The following TSC2 variants were observed in gnomAD, a reference collection of about 807,000 sequenced individuals.
TSC2 encodes TSC complex subunit 2, also known as tuberin.
A neutral mutation model predicts 202.2 loss-of-function variants in TSC2; 29 were observed. That is an observed-to-expected ratio of 0.14 (90% CI 0.11 to 0.20). The LOEUF (loss-of-function observed/expected upper bound fraction) is 0.20, where lower values mean the gene tolerates loss of function less well. Among genes scored for constraint, TSC2 ranks in the 10% least tolerant of loss-of-function variants. The pLI is 1.00. For synonymous variants in TSC2, 1,349 were observed against 1,044.0 expected, an observed-to-expected ratio of 1.29 and a Z score of -5.63; for missense variants, 2,429 against 2,420.0, an observed-to-expected ratio of 1.00 and a Z score of -0.08.
Position 2,088,800 on chromosome 16 carries a change from T to G in TSC2, c.*190T>G, listed in dbSNP as rs1477348800. ...CTAGAAGCGGCCATGCCCACAGAAGTGGTACACAGAAGCAGGCACAGCCAG... is the reference window on the plus strand; with the variant it reads ...CTAGAAGCGGCCATGCCCACAGAAGGGGTACACAGAAGCAGGCACAGCCAG... On this transcript the variant is annotated 3_prime_UTR_variant, in exon 42 of 42. Coordinates refer to ENST00000219476, the MANE Select transcript of TSC2 (RefSeq NM_000548.5). The G allele has an allele frequency of 2.6e-6, 2 of 773,220 alleles. No homozygotes were observed. Among genetic ancestry groups the G allele is most frequent in the East Asian group, 5.4e-5 (2 of 36,746 alleles). The allele number at this position is 773,220 out of a possible 1,614,324, so 47.9% of individuals were successfully genotyped here.
chr16:2,074,914 C>G lies in TSC2; in HGVS notation c.2545+525C>G, dbSNP rs2089058770. On this transcript the variant is annotated intron_variant, in intron 22 of 41. Coordinates refer to ENST00000219476, the MANE Select transcript of TSC2 (RefSeq NM_000548.5). The stretch of plus-strand genomic sequence containing the variant: ...CGGTCTTTCTGTTTTGTTGATAACC[C>G]TTTAGAAGTGTAGAAGCCTGGCCAG... 7 of 207,950 alleles carry G rather than the reference C, an allele frequency of 3.4e-5. No individual in the cohort carries two copies. In the South Asian group the frequency reaches 5.0e-4, roughly 15 times the overall value. The allele number at this position is 207,950 out of a possible 1,614,324, so 12.9% of individuals were successfully genotyped here. A position where few individuals can be genotyped will look rare whatever the true frequency, so the allele number is the denominator to read the frequency against.
Position 2,072,306 on chromosome 16 carries a change from G to A in TSC2, c.2163G>A (p.Val721=), listed in dbSNP as rs552644975. 6.2e-6 allele frequency: 10 copies of A among 1,614,162 alleles called. No individual in the cohort carries two copies. In the African/African-American group the frequency reaches 1.1e-4, roughly 17 times the overall value. The change falls in exon 20 of 42, where the codon GTG becomes GTA. Residue 721 remains valine, a synonymous_variant. Coordinates refer to ENST00000219476, the MANE Select transcript of TSC2 (RefSeq NM_000548.5). The stretch of plus-strand genomic sequence containing the variant: ...TGCCTGAGTCCCTGCGCTATAAAGT[G>A]CTCATCTTTACTTCCCCTTGCAGTG... ...GRLPESLRYK[V]LIFTSPCSVD...
intron 16 of TSC2, among the ~76,000 whole-genome samples, chr16:2,069,573 G>A (rs2087922452): frequency 6.6e-6 from 1 of 151,778 alleles, no homozygotes; most frequent in Admixed American, 6.6e-5. Context: ...TCTGCCTCCT[G>A]GGTTCACGCC....
chr16:2,088,669 TAA>T lies in TSC2; in HGVS notation c.*61_*62del, dbSNP rs36032671. The T allele has an allele frequency of 0.086, 133,038 of 1,547,878 alleles. 6,372 individuals are homozygous for T. Among genetic ancestry groups the T allele is most frequent in the Non-Finnish European group, 0.096 (110,579 of 1,153,224 alleles). On this transcript the variant is annotated 3_prime_UTR_variant, in exon 42 of 42. Transcript: ENST00000219476. ...CGGTATTGCCTGTCAGTGAAATAAA[TAA>T]AGTCCTGACCCCAGTGCACAGACAT...
At position 2,088,281 on chromosome 16, in the gene TSC2, A is replaced by G. The variant is rs2151630676; in HGVS notation, c.5215A>G (p.Lys1739Glu). 6.2e-7 allele frequency: 1 copy of G among 1,612,890 alleles called. No individual in the cohort carries two copies. Among genetic ancestry groups the G allele is most frequent in the Non-Finnish European group, 8.5e-7 (1 of 1,179,976 alleles). ...RSNPTDIYPS[K>E]WIARLRHIKR... ...CAACCCCACCGATATCTACCCCTCC[A>G]AGTGGATTGCCCGGCTCCGCCACAT... The change falls in exon 41 of 42, where the codon AAG becomes GAG. Residue 1739 changes from lysine (K) to glutamate (E), a missense_variant. Physicochemically the swap from Lys to Glu is moderately conservative, Grantham distance 56 (BLOSUM62 1). Transcript: ENST00000219476.
intron 23 of TSC2, 75 bp downstream of exon 23, chr16:2,075,967 C>T: frequency 6.2e-7 from 1 of 1,612,048 alleles, no homozygotes; most frequent in Non-Finnish European, 8.5e-7. Context: ...GCCCCGGCAG[C>T]CTTTGTCCCC....
intron 38 of TSC2, chr16:2,087,097 C>T: frequency 3.1e-6 from 2 of 651,744 alleles, no homozygotes; most frequent in Non-Finnish European, 5.3e-6. Context: ...GAGTAACTGG[C>T]AAGTGCAGAC....
At chr16:2,069,746 C>G (rs1191214335) in intron 16 of TSC2, among the ~76,000 whole-genome samples, 1 of 152,160 alleles carries the variant, frequency 6.6e-6, no homozygotes, top group Non-Finnish European at 1.5e-5. Flanking sequence ...TCCCAAAGTG[C>G]TGGGATTACA....
intron 22 of TSC2, among the ~76,000 whole-genome samples, chr16:2,075,525 C>CAAAAAAAAAAA (rs933350142): frequency 1.1e-3 from 29 of 27,304 alleles, no homozygotes; most frequent in African/African-American, 3.5e-3. Context: ...AGACTCATCT[C>CAAAAAAAAAAA]AAAAAAAAAA....
chr16:2,077,854 G>T (rs2089623998), intron 26 of TSC2, 128 bp downstream of exon 26: 1 of 1,517,378 alleles, frequency 6.6e-7, no homozygotes, highest in Non-Finnish European at 8.9e-7. Flanking sequence ...AGCCCAGGGG[G>T]AGCCGGTGAC....
At chr16:2,061,176 AG>A in intron 11 of TSC2, 1 of 367,590 alleles carries the variant, frequency 2.7e-6, no homozygotes, top group South Asian at 2.3e-5. Flanking sequence ...GGACCGCATT[AG>A]TCGAGTCTGT....
At chr16:2,087,576 G>A (rs961221411) in intron 38 of TSC2, among the ~76,000 whole-genome samples, 4 of 152,010 alleles carry the variant, frequency 2.6e-5, no homozygotes, top group South Asian at 2.1e-4. Context: ...AGACGGATTC[G>A]GACGTGTGGC....
chr16:2,072,582 A>G, intron 20 of TSC2: 1 of 820,982 alleles, frequency 1.2e-6, no homozygotes, highest in Non-Finnish European at 1.9e-6. Context: ...TCCCCAGCCA[A>G]GGGCATGTCA....
At position 2,088,783 on chromosome 16, in the gene TSC2, G is replaced by A. The variant is rs554255347; in HGVS notation, c.*173G>A. ...GGGGGGGTGTCGAGGCTCTAGAAGCGGCCATGCCCACAGAAGTGGTACACA... is the reference window on the plus strand; with the variant it reads ...GGGGGGGTGTCGAGGCTCTAGAAGCAGCCATGCCCACAGAAGTGGTACACA... On this transcript the variant is annotated 3_prime_UTR_variant, in exon 42 of 42. Coordinates refer to ENST00000219476, the MANE Select transcript of TSC2 (RefSeq NM_000548.5). 1.2e-4 allele frequency: 110 copies of A among 889,384 alleles called. No homozygotes were observed. Among genetic ancestry groups the A allele is most frequent in the Non-Finnish European group, 1.6e-4 (96 of 597,088 alleles). 55.1% of individuals were successfully genotyped at this position (889,384 alleles called of 1,614,324 possible).
chr16:2,057,056 G>C (rs1423332675), intron 8 of TSC2, 49 bp from the exon 9 acceptor site: 6 of 1,547,454 alleles, frequency 3.9e-6, no homozygotes, highest in Admixed American at 2.0e-5. Flanking sequence ...ACTGGGGCTG[G>C]GGGCAGGGCT....
At chr16:2,077,846 C>G (rs2089621134) in intron 26 of TSC2, 120 bp downstream of exon 26, 2 of 1,524,418 alleles carry the variant, frequency 1.3e-6, no homozygotes, top group African/African-American at 2.7e-5. Context: ...CCCTGGCCAG[C>G]CCAGGGGGAG....
In TSC2 at chr16:2,088,666, A is replaced by T. The variant is rs2091233407; in HGVS notation, c.*56A>T. On this transcript the variant is annotated 3_prime_UTR_variant, in exon 42 of 42. Transcript: ENST00000219476. Reference sequence around the variant, plus strand: ...GGACGGTATTGCCTGTCAGTGAAATAAATAAAGTCCTGACCCCAGTGCACA... The same window carrying T: ...GGACGGTATTGCCTGTCAGTGAAATTAATAAAGTCCTGACCCCAGTGCACA... The T allele has an allele frequency of 1.9e-6, 3 of 1,553,066 alleles. No homozygotes were observed. The highest frequency in any genetic ancestry group is 1.1e-5 in the South Asian group (1 of 86,958).
chr16:2,048,134 C>A, intron 1 of TSC2, 69 bp downstream of exon 1: 1 of 1,514,226 alleles, frequency 6.6e-7, no homozygotes, highest in South Asian at 1.3e-5. Context: ...GCGGACCCCG[C>A]AGTGTCCGGG....
chr16:2,057,044 G>A, intron 8 of TSC2, 61 bp from the exon 9 acceptor site: 3 of 1,544,492 alleles, frequency 1.9e-6, no homozygotes, highest in Non-Finnish European at 2.6e-6. Context: ...GCCAGCAGCG[G>A]GACTGGGGCT....
Sources: allele counts gnomAD v4.1 joint callset (sites outside exome capture counted in the v4.1 genomes callset), GRCh38; gene constraint gnomAD v4.1.1; transcripts MANE v1.5; gene names NCBI Gene and HGNC (gene_info 2026-07-23, HGNC 2026-07-21).